ATXN1: variants seen among roughly 807,000 people sequenced by gnomAD.
ATXN1 encodes ataxin 1.
In ATXN1, 8 loss-of-function variants were observed where a neutral mutation model predicts 56.4. The observed-to-expected ratio is 0.14, with a 90% CI of 0.08 to 0.26. ATXN1 has a LOEUF of 0.26. Ranked by LOEUF, ATXN1 falls within the 10% of genes least tolerant of loss-of-function variation. The pLI, the probability that ATXN1 is intolerant of heterozygous loss-of-function variation, is 1.00. For missense variants in ATXN1, 987 were observed against 1,106.5 expected, an observed-to-expected ratio of 0.89 and a Z score of 1.53; for synonymous variants, 514 against 494.6, an observed-to-expected ratio of 1.04 and a Z score of -0.52.
At chr6:16,591,112 C>T (rs958603113) in intron 3 of ATXN1, among the ~76,000 whole-genome samples, 10 of 151,466 alleles carry the variant, frequency 6.6e-5, no homozygotes, top group Admixed American at 3.3e-4. Flanking sequence ...TGAGCCACTG[C>T]GCCCAACTAT....
chr6:16,381,111 G>A (rs1312023031), intron 6 of ATXN1, among the ~76,000 whole-genome samples: 2 of 152,168 alleles, frequency 1.3e-5, no homozygotes, highest in East Asian at 1.9e-4. Flanking sequence ...CCAACATGGT[G>A]AAACCCTGTC....
At chr6:16,333,864 AT>A (rs1234817202) in intron 6 of ATXN1, among the ~76,000 whole-genome samples, 1 of 152,146 alleles carries the variant, frequency 6.6e-6, no homozygotes, top group African/African-American at 2.4e-5. Context: ...AAAGCACTTC[AT>A]TTTGGCCAAG....
At chr6:16,751,777 C>T (rs1249043805) in intron 2 of ATXN1, among the ~76,000 whole-genome samples, 1 of 152,182 alleles carries the variant, frequency 6.6e-6, no homozygotes, top group Non-Finnish European at 1.5e-5. Context: ...CAGGAGCAAC[C>T]ATCATAAAAC....
At chr6:16,485,550 T>C (rs1041715411) in intron 6 of ATXN1, 2 of 152,212 alleles carry the variant, frequency 1.3e-5, no homozygotes, top group Non-Finnish European at 2.9e-5. Flanking sequence ...GAAGAATAAT[T>C]GCTGGATGGA....
chr6:16,398,509 G>T (rs1487709079), intron 6 of ATXN1, among the ~76,000 whole-genome samples: 1 of 152,084 alleles, frequency 6.6e-6, no homozygotes, highest in East Asian at 1.9e-4. Context: ...TCATGAGGGG[G>T]AAAACAAACT....
intron 6 of ATXN1, among the ~76,000 whole-genome samples, chr6:16,368,347 T>C (rs981131994): frequency 1.1e-4 from 13 of 121,858 alleles, no homozygotes; most frequent in East Asian, 4.0e-4. Flanking sequence ...CTTCTTCTTT[T>C]TTTTTTTTTT....
At chr6:16,338,430 T>C (rs201308321) in intron 6 of ATXN1, among the ~76,000 whole-genome samples, 2 of 151,142 alleles carry the variant, frequency 1.3e-5, no homozygotes, top group East Asian at 3.9e-4. Flanking sequence ...GAGGCGGAGG[T>C]TGCAGTGAGC....
chr6:16,453,417 C>T (rs543143075), intron 6 of ATXN1, among the ~76,000 whole-genome samples: 437 of 152,194 alleles, frequency 2.9e-3, no homozygotes, highest in Non-Finnish European at 4.7e-3. Flanking sequence ...GCCAAGATTG[C>T]GCCACTGCAC....
chr6:16,572,153 C>T (rs1762343751), intron 4 of ATXN1, among the ~76,000 whole-genome samples: 1 of 152,126 alleles, frequency 6.6e-6, no homozygotes, highest in Non-Finnish European at 1.5e-5. Flanking sequence ...AGAACCAGAA[C>T]TTCCACAATT....
rs58223053 is a variant in ATXN1, at chr6:16,643,627, C to CAAA, written c.-489+14146_-489+14148dup. On this transcript the variant is annotated intron_variant, in intron 3 of 7. Transcript: ENST00000436367. ...CTGGGAGACAAGAGTGAGACCCTGC[C>CAAA]AAAAAAAAAAAAAAAAAAAAAGAGA... is the stretch of plus-strand genomic sequence containing the variant. 4.5e-3 allele frequency among the ~76,000 whole-genome samples: 284 copies of CAAA among 62,760 alleles called. 3 individuals are homozygous for CAAA. Among genetic ancestry groups the CAAA allele is most frequent in the Middle Eastern group, 0.014 (2 of 142 alleles). 41.2% of individuals were successfully genotyped at this position (62,760 alleles called of 152,430 possible).
Position 16,373,725 on chromosome 6 carries a change from T to C in ATXN1, c.-160-45255A>G, listed in dbSNP as rs186992023. ...TTGCCTCTCATTTTCTCTTGCCTGC[T>C]GCCATGTAAGACATGCCTTTTGCCT... On this transcript the variant is annotated intron_variant, in intron 6 of 7. Coordinates refer to ENST00000436367, the MANE Select transcript of ATXN1 (RefSeq NM_001128164.2). 3.0e-4 allele frequency among the ~76,000 whole-genome samples: 45 copies of C among 152,374 alleles called. 1 individual carries two copies. The highest frequency in any genetic ancestry group is 4.3e-4 in the African/African-American group (18 of 41,588).
At chr6:16,584,636 C>T (rs914031680) in intron 4 of ATXN1, among the ~76,000 whole-genome samples, 10 of 146,932 alleles carry the variant, frequency 6.8e-5, no homozygotes, top group African/African-American at 1.1e-4. Context: ...ACAAATGACC[C>T]CCCCCACCCC....
rs961063554 is a variant in ATXN1 at position 16,469,908 on chromosome 6, C to T, written c.-161+16064G>A. 1.0e-4 allele frequency among the ~76,000 whole-genome samples: 15 copies of T among 149,110 alleles called. 1 individual carries two copies. The highest frequency in any genetic ancestry group is 8.0e-4 in the Admixed American group (12 of 14,928). On this transcript the variant is annotated intron_variant, in intron 6 of 7. Coordinates refer to ENST00000436367, the MANE Select transcript of ATXN1 (RefSeq NM_001128164.2). ...AACCTGGGAGGCAGAGGTTTTGAGC[C>T]GAGATCACACCACTGCACTCCAGCC...
At chr6:16,378,964 G>T (rs11965878) in intron 6 of ATXN1, among the ~76,000 whole-genome samples, 1 of 152,088 alleles carries the variant, frequency 6.6e-6, no homozygotes, top group Admixed American at 6.6e-5. Context: ...ACTTGCACAC[G>T]CATGTTTATA....
chr6:16,576,031 T>C (rs1167021142), intron 4 of ATXN1, among the ~76,000 whole-genome samples: 8 of 152,098 alleles, frequency 5.3e-5, no homozygotes. Flanking sequence ...GAAGATTTAA[T>C]GCAATAAACT....
intron 2 of ATXN1, among the ~76,000 whole-genome samples, chr6:16,682,049 GC>G (rs557189227): frequency 1.9e-3 from 293 of 152,104 alleles, no homozygotes; most frequent in African/African-American, 6.5e-3. Context: ...CCTTCCGAAT[GC>G]CCCCATACCT....
chr6:16,408,722 C>G (rs1175648807), intron 6 of ATXN1, among the ~76,000 whole-genome samples: 1 of 152,078 alleles, frequency 6.6e-6, no homozygotes, highest in East Asian at 1.9e-4. Flanking sequence ...GAACTTGAAC[C>G]CAAGTGTGTT....
chr6:16,507,147 T>C (rs1247021573), intron 5 of ATXN1, among the ~76,000 whole-genome samples: 1 of 152,224 alleles, frequency 6.6e-6, no homozygotes, highest in Non-Finnish European at 1.5e-5. Context: ...TAGGAACTTT[T>C]AATATGAATT....
chr6:16,620,348 T>G (rs1036978829), intron 3 of ATXN1, among the ~76,000 whole-genome samples: 1 of 151,990 alleles, frequency 6.6e-6, no homozygotes, highest in African/African-American at 2.4e-5. Context: ...CCATAATCTA[T>G]TTATCTAGCA....
Sources: gnomAD v4.1 joint callset for allele counts (sites outside exome capture counted in the v4.1 genomes callset) on GRCh38, gnomAD v4.1.1 for gene constraint, MANE v1.5 for transcripts, NCBI Gene and HGNC (gene_info 2026-07-23, HGNC 2026-07-21) for gene names.